THSD4: variants seen among roughly 807,000 people sequenced by gnomAD.
The protein encoded by THSD4 is thrombospondin type 1 domain containing 4.
THSD4 carries 69 observed loss-of-function variants against 119.0 expected under a neutral mutation model. That is an observed-to-expected ratio of 0.58 (90% CI 0.48 to 0.71). The LOEUF is 0.71. Ranked by LOEUF, THSD4 falls within the 30% of genes least tolerant of loss-of-function variation. The pLI is 0.00. For missense variants in THSD4, 1,393 were observed against 1,391.1 expected (o/e 1.00, Z -0.02); for synonymous variants, 524 against 540.4 (o/e 0.97, Z 0.42).
At chr15:71,451,625 G>A (rs890990053) in intron 7 of THSD4, among the ~76,000 whole-genome samples, 37 of 152,302 alleles carry the variant, frequency 2.4e-4, no homozygotes, top group African/African-American at 8.9e-4. Context: ...TGGGGGCTGG[G>A]AGAGGGGTGA....
chr15:71,191,021 G>A (rs2043667325), intron 3 of THSD4, among the ~76,000 whole-genome samples: 1 of 152,046 alleles, frequency 6.6e-6, no homozygotes, highest in South Asian at 2.1e-4. Flanking sequence ...TCTTCTCTTT[G>A]TTCTCCCTGA....
chr15:71,666,191 T>C (rs1567090199), intron 8 of THSD4, among the ~76,000 whole-genome samples: 1 of 152,174 alleles, frequency 6.6e-6, no homozygotes, highest in Non-Finnish European at 1.5e-5. Context: ...AGTGGTGTTT[T>C]GAATTAAAAT....
chr15:71,603,212 A>G (rs748820662), intron 7 of THSD4, among the ~76,000 whole-genome samples: 4 of 152,230 alleles, frequency 2.6e-5, no homozygotes, highest in Non-Finnish European at 4.4e-5. Flanking sequence ...ACCAGGAATG[A>G]TTAGGAACAC....
At chr15:71,717,165 A>G (rs879916798) in intron 8 of THSD4, among the ~76,000 whole-genome samples, 14 of 152,204 alleles carry the variant, frequency 9.2e-5, no homozygotes, top group Non-Finnish European at 2.1e-4. Context: ...TGTAACAAAT[A>G]CCTAATGAGT....
rs370693272 is a variant in THSD4 at position 71,297,138 on chromosome 15, T to A, written c.1015+40423T>A. 4.3e-4 allele frequency among the ~76,000 whole-genome samples: 65 copies of A among 152,306 alleles called. 1 individual carries two copies. In the South Asian group the frequency reaches 7.5e-3, roughly 17 times the overall value. Reference sequence around the variant, plus strand: ...TCCTTCACATCCTTGTTATTTATTTTTTTTTAATTATATCCATCCTAGTAG... The same window carrying A: ...TCCTTCACATCCTTGTTATTTATTTATTTTTAATTATATCCATCCTAGTAG... On this transcript the variant is annotated intron_variant, in intron 6 of 17. Transcript: ENST00000261862.
At chr15:71,548,517 C>T (rs1044246370) in intron 7 of THSD4, among the ~76,000 whole-genome samples, 1 of 152,186 alleles carries the variant, frequency 6.6e-6, no homozygotes. Flanking sequence ...TTTCAGCAGG[C>T]TTGTTGCTCT....
At chr15:71,668,433 A>G (rs529181254) in intron 8 of THSD4, among the ~76,000 whole-genome samples, 4 of 152,284 alleles carry the variant, frequency 2.6e-5, no homozygotes, top group African/African-American at 9.6e-5. Flanking sequence ...TGAAGCCCCA[A>G]GAGGCTCTGA....
intron 6 of THSD4, among the ~76,000 whole-genome samples, chr15:71,289,711 G>A (rs1002007): frequency 0.24 from 36,573 of 152,070 alleles, 4,821 homozygotes; most frequent in East Asian, 0.56. Context: ...ATCATAACGC[G>A]TAGAGCCCTA....
At chr15:71,662,132 T>C (rs952253953) in intron 8 of THSD4, among the ~76,000 whole-genome samples, 1 of 152,184 alleles carries the variant, frequency 6.6e-6, no homozygotes, top group African/African-American at 2.4e-5. Flanking sequence ...CTGCAGCACT[T>C]GAAAGACTAT....
chr15:71,726,425 G>A (rs1244312228), intron 8 of THSD4, among the ~76,000 whole-genome samples: 3 of 152,176 alleles, frequency 2.0e-5, no homozygotes, highest in Non-Finnish European at 4.4e-5. Context: ...AAAAGTTGAA[G>A]GATACATATT....
intron 7 of THSD4, among the ~76,000 whole-genome samples, chr15:71,633,538 G>A (rs1286945814): frequency 2.0e-5 from 3 of 152,152 alleles, no homozygotes; most frequent in Middle Eastern, 3.2e-3. Context: ...GCCTCCCAAA[G>A]CGTTGGGACT....
chr15:71,236,206 A>G (rs2044104413), intron 4 of THSD4, among the ~76,000 whole-genome samples: 1 of 152,204 alleles, frequency 6.6e-6, no homozygotes, highest in South Asian at 2.1e-4. Flanking sequence ...TAAGAAACAC[A>G]AAACAGCCTG....
At chr15:71,392,308 C>T (rs1370953064) in intron 6 of THSD4, among the ~76,000 whole-genome samples, 2 of 152,206 alleles carry the variant, frequency 1.3e-5, no homozygotes, top group Non-Finnish European at 2.9e-5. Context: ...AAGAGGTTAA[C>T]TTTTATTGAG....
rs576826291 is a variant in THSD4, at chr15:71,385,804, A to G, written c.1016-25883A>G. On this transcript the variant is annotated intron_variant, in intron 6 of 17. Transcript: ENST00000261862. ...ACGTTTCGTTTAATTTAACACCTTC[A>G]TAAATAGGATGGACTTAAGAGATCA... 5.9e-5 allele frequency among the ~76,000 whole-genome samples: 9 copies of G among 152,360 alleles called. No homozygotes were observed. In the East Asian group the frequency reaches 1.7e-3, roughly 29 times the overall value.
intron 7 of THSD4, among the ~76,000 whole-genome samples, chr15:71,616,001 C>T (rs2140918838): frequency 6.6e-6 from 1 of 152,278 alleles, no homozygotes; most frequent in East Asian, 1.9e-4. Flanking sequence ...TATTCACTGA[C>T]CCACCTCACA....
intron 1 of THSD4, among the ~76,000 whole-genome samples, chr15:71,124,655 T>G (rs1472848011): frequency 2.6e-5 from 4 of 152,232 alleles, no homozygotes; most frequent in Non-Finnish European, 4.4e-5. Context: ...GTAGTTATTC[T>G]AGTGAATTAA....
At chr15:71,511,659 TTAAG>T (rs985439849) in intron 7 of THSD4, among the ~76,000 whole-genome samples, 14 of 152,232 alleles carry the variant, frequency 9.2e-5, no homozygotes, top group African/African-American at 3.4e-4. Flanking sequence ...GTGACTTTGA[TTAAG>T]TAATCACTTA....
chr15:71,372,341 G>C lies in THSD4; in HGVS notation c.1016-39346G>C, dbSNP rs553516630. On this transcript the variant is annotated intron_variant, in intron 6 of 17. Transcript: ENST00000261862. ...TGGCGAGGAGCTGCTTTCCTTTGGA[G>C]GGGGAGAGGCACTCTGATTTTTAGA... 6.6e-5 allele frequency among the ~76,000 whole-genome samples: 10 copies of C among 152,368 alleles called. No individual in the cohort carries two copies. The East Asian group carries it at 1.5e-3, about 23-fold the overall frequency.
At chr15:71,613,373 ATTTTTAACATT>A (rs2050264895) in intron 7 of THSD4, among the ~76,000 whole-genome samples, 1 of 152,182 alleles carries the variant, frequency 6.6e-6, no homozygotes, top group East Asian at 1.9e-4. Context: ...TGTTTTTTCA[ATTTTTAACATT>A]TTTTTAAGTC....
Sources: allele counts gnomAD v4.1 joint callset (sites outside exome capture counted in the v4.1 genomes callset), GRCh38; gene constraint gnomAD v4.1.1; transcripts MANE v1.5; gene names NCBI Gene and HGNC (gene_info 2026-07-23, HGNC 2026-07-21).